GRM8: variants seen among roughly 807,000 people sequenced by gnomAD.
GRM8 encodes glutamate metabotropic receptor 8, also known as metabotropic glutamate receptor 8.
In GRM8, 47 loss-of-function variants were observed where a neutral mutation model predicts 87.2. The observed-to-expected ratio is 0.54, with a 90% CI of 0.43 to 0.69. The LOEUF is 0.69. Among genes scored for constraint, GRM8 ranks in the 30% least tolerant of loss-of-function variants. The probability of loss-of-function intolerance (pLI) is 0.00; values close to 1 mark genes in which losing one functional copy is unlikely to be tolerated. For synonymous variants in GRM8, 396 were observed against 404.5 expected (o/e 0.98, Z 0.25); for missense variants, 1,019 against 1,139.2 (o/e 0.89, Z 1.52).
At chr7:126,754,199 C>T (rs1353989890) in intron 7 of GRM8, among the ~76,000 whole-genome samples, 1 of 151,698 alleles carries the variant, frequency 6.6e-6, no homozygotes, top group African/African-American at 2.4e-5. Flanking sequence ...AATAGAATAC[C>T]TAAACTTGTA....
chr7:126,818,259 G>A (rs1017777184), intron 6 of GRM8, among the ~76,000 whole-genome samples: 2 of 152,098 alleles, frequency 1.3e-5, no homozygotes, highest in Admixed American at 6.6e-5. Context: ...GCTTCTAGAC[G>A]AGATATTTTC....
At chr7:126,469,701 C>T (rs1009737668) in intron 9 of GRM8, among the ~76,000 whole-genome samples, 7 of 152,132 alleles carry the variant, frequency 4.6e-5, no homozygotes, top group Non-Finnish European at 7.4e-5. Flanking sequence ...TTCCCGAGGC[C>T]CTCCCAGCCA....
At chr7:127,249,577 A>G (rs1306933908) in intron 1 of GRM8, among the ~76,000 whole-genome samples, 2 of 152,162 alleles carry the variant, frequency 1.3e-5, no homozygotes, top group African/African-American at 4.8e-5. Flanking sequence ...ATGAGACAAT[A>G]TTATGCTCAG....
chr7:126,636,442 G>T (rs1008718655), intron 7 of GRM8, among the ~76,000 whole-genome samples: 7 of 151,834 alleles, frequency 4.6e-5, no homozygotes, highest in Admixed American at 4.6e-4. Flanking sequence ...CTAATACAAG[G>T]TAAATATTAT....
chr7:127,174,664 G>A (rs1793995479), intron 2 of GRM8, among the ~76,000 whole-genome samples: 1 of 152,066 alleles, frequency 6.6e-6, no homozygotes, highest in African/African-American at 2.4e-5. Flanking sequence ...CATCAAGGTG[G>A]GTACCAATTT....
chr7:127,048,044 C>T (rs941730513), intron 3 of GRM8, among the ~76,000 whole-genome samples: 1 of 151,932 alleles, frequency 6.6e-6, no homozygotes. Context: ...TAACAGTGAA[C>T]AAACAATGAT....
intron 2 of GRM8, among the ~76,000 whole-genome samples, chr7:127,220,685 C>T (rs1265478136): frequency 1.3e-5 from 2 of 152,108 alleles, no homozygotes; most frequent in Non-Finnish European, 2.9e-5. Context: ...AACAATGTCT[C>T]AGTATGTTGC....
chr7:126,904,000 T>A lies in GRM8; in HGVS notation c.990A>T (p.Thr330=). 2 of 1,558,044 alleles carry A rather than the reference T, an allele frequency of 1.3e-6. No homozygotes were observed. Among genetic ancestry groups the A allele is most frequent in the South Asian group, 2.2e-5 (2 of 89,266 alleles). Residue 330 remains threonine (T), a synonymous_variant, in exon 5 of 11, where the codon ACA becomes ACT. Transcript: ENST00000339582. ...CAATTGATGCTCGTTTGGGCAAAAT[T>A]GTCACAGCCCCTTCTGCAATCTCCT... ...QQEEIAEGAV[T]ILPKRASIDG...
At chr7:126,855,517 C>T (rs1028265686) in intron 6 of GRM8, among the ~76,000 whole-genome samples, 13 of 149,490 alleles carry the variant, frequency 8.7e-5, no homozygotes, top group Admixed American at 7.4e-4. Context: ...TATCCCCCAG[C>T]CAGGCTGGAG....
At chr7:126,617,296 TGAA>T (rs1799609481) in intron 7 of GRM8, among the ~76,000 whole-genome samples, 1 of 152,206 alleles carries the variant, frequency 6.6e-6, no homozygotes, top group African/African-American at 2.4e-5. Flanking sequence ...TCTCAATAGA[TGAA>T]GAAAAGGCCT....
At chr7:127,084,711 T>C (rs758747879) in intron 3 of GRM8, 5 of 152,228 alleles carry the variant, frequency 3.3e-5, no homozygotes, top group Non-Finnish European at 7.3e-5. Context: ...CCTGAAGATC[T>C]TGAGAAGTGT....
chr7:126,992,825 GTGTA>G (rs1288169123), intron 3 of GRM8, among the ~76,000 whole-genome samples: 64 of 149,362 alleles, frequency 4.3e-4, no homozygotes, highest in Admixed American at 3.1e-3. Flanking sequence ...GTGTGTGTGT[GTGTA>G]TGTGTGTGTG....
chr7:127,063,991 GT>G (rs1820867495), intron 3 of GRM8, among the ~76,000 whole-genome samples: 1 of 152,284 alleles, frequency 6.6e-6, no homozygotes, highest in South Asian at 2.1e-4. Flanking sequence ...CTGAGAGTGT[GT>G]TTGGTATTAT....
At chr7:127,081,129 C>T (rs1822821046) in intron 3 of GRM8, among the ~76,000 whole-genome samples, 1 of 152,118 alleles carries the variant, frequency 6.6e-6, no homozygotes, top group South Asian at 2.1e-4. Context: ...GACACTTAAT[C>T]CCTAGAATAG....
At chr7:126,716,435 G>A (rs138415289) in intron 7 of GRM8, among the ~76,000 whole-genome samples, 67 of 152,132 alleles carry the variant, frequency 4.4e-4, no homozygotes, top group Non-Finnish European at 7.4e-5. Context: ...AGTTAGGCTT[G>A]TAATAGTTAC....
chr7:126,469,042 A>G (rs1804838592), intron 9 of GRM8, among the ~76,000 whole-genome samples: 1 of 152,126 alleles, frequency 6.6e-6, no homozygotes, highest in Admixed American at 6.6e-5. Flanking sequence ...TCTTTGTTTC[A>G]GCATTTATTG....
intron 3 of GRM8, among the ~76,000 whole-genome samples, chr7:127,083,782 A>G (rs1823136553): frequency 6.6e-6 from 1 of 152,106 alleles, no homozygotes; most frequent in African/African-American, 2.4e-5. Context: ...CTCAAACACC[A>G]TTATTGTCTG....
intron 3 of GRM8, among the ~76,000 whole-genome samples, chr7:126,965,663 A>G (rs923400494): frequency 6.6e-6 from 1 of 152,118 alleles, no homozygotes; most frequent in African/African-American, 2.4e-5. Context: ...CCTCTCTACC[A>G]TAAGGGTTTT....
At chr7:126,483,646 CT>C (rs988239379) in intron 9 of GRM8, among the ~76,000 whole-genome samples, 3 of 151,372 alleles carry the variant, frequency 2.0e-5, no homozygotes, top group African/African-American at 7.3e-5. Context: ...TTCCAAAACA[CT>C]TATAACTAGA....
Sources: allele counts gnomAD v4.1 joint callset (sites outside exome capture counted in the v4.1 genomes callset), GRCh38; gene constraint gnomAD v4.1.1; transcripts MANE v1.5; gene names NCBI Gene and HGNC (gene_info 2026-07-23, HGNC 2026-07-21).